Variants in PNLIPRP3 observed in about 807,000 individuals in gnomAD.
PNLIPRP3 encodes pancreatic lipase-related protein 3.
PNLIPRP3 carries 58 observed loss-of-function variants against 52.8 expected under a neutral mutation model. The ratio of observed to expected loss-of-function variants is 1.10; its 90% CI spans 0.89 to 1.37. The LOEUF is 1.37. Ranked by LOEUF, PNLIPRP3 falls within the 40% of genes most tolerant of loss-of-function variation. PNLIPRP3 has a pLI of 0.00. For synonymous variants in PNLIPRP3, 192 were observed against 185.0 expected (o/e 1.04, Z -0.31); for missense variants, 593 against 561.6 (o/e 1.06, Z -0.57).
intron 10 of PNLIPRP3, among the ~76,000 whole-genome samples, chr10:116,475,551 C>T (rs540179549): frequency 1.3e-5 from 2 of 152,170 alleles, no homozygotes; most frequent in Admixed American, 6.5e-5. Flanking sequence ...CCCTTAAGAA[C>T]TTGGAAGAAC....
rs1397695719 is a variant in PNLIPRP3 at position 116,470,496 on chromosome 10, A to AAT, written c.1060+1195_1060+1196dup. Among the ~76,000 whole-genome samples the AAT allele has an allele frequency of 1.2e-3, 161 of 139,710 alleles. 1 individual carries two copies. The highest frequency in any genetic ancestry group is 3.2e-3 in the African/African-American group (122 of 37,746). 91.7% of individuals were successfully genotyped at this position (139,710 alleles called of 152,430 possible). A position where few individuals can be genotyped will look rare whatever the true frequency, so the allele number is the denominator to read the frequency against. On this transcript the variant is annotated intron_variant, in intron 9 of 11. Coordinates refer to ENST00000369230, the MANE Select transcript of PNLIPRP3 (RefSeq NM_001011709.3). ...AAGAGAGGAGACATACACCACAGCA[A>AAT]ATATATATATATATATAATTTTTTT...
intron 1 of PNLIPRP3, among the ~76,000 whole-genome samples, chr10:116,431,276 G>A (rs990955498): frequency 1.3e-5 from 2 of 152,098 alleles, no homozygotes; most frequent in African/African-American, 4.8e-5. Context: ...GTCAGTCCAT[G>A]TCACTTTTCT....
intron 2 of PNLIPRP3, among the ~76,000 whole-genome samples, chr10:116,438,908 A>G (rs549023122): frequency 2.0e-5 from 3 of 152,324 alleles, no homozygotes; most frequent in Non-Finnish European, 4.4e-5. Context: ...ACTTAGCTTT[A>G]AAAAGAAGTG....
At chr10:116,476,390 A>G (rs1846465907) in intron 10 of PNLIPRP3, among the ~76,000 whole-genome samples, 1 of 152,194 alleles carries the variant, frequency 6.6e-6, no homozygotes, top group Non-Finnish European at 1.5e-5. Flanking sequence ...ATCTTTCACT[A>G]TGGAGAAATC....
In PNLIPRP3 at chr10:116,476,830, C is replaced by A; in HGVS notation, c.1340+11C>A. ...GAAATATGGATATAAGTAAGTATTGCTTTTTCCTTTTCATTTTCGTAGTTT... is the reference window on the plus strand; with the variant it reads ...GAAATATGGATATAAGTAAGTATTGATTTTTCCTTTTCATTTTCGTAGTTT... On this transcript the variant is annotated intron_variant, in intron 11 of 11. Transcript: ENST00000369230. 1 of 1,559,460 alleles carries A rather than the reference C, an allele frequency of 6.4e-7. No individual in the cohort carries two copies. Among genetic ancestry groups the A allele is most frequent in the Non-Finnish European group, 8.7e-7 (1 of 1,153,950 alleles).
intron 2 of PNLIPRP3, among the ~76,000 whole-genome samples, chr10:116,441,424 G>T (rs560824235): frequency 6.6e-6 from 1 of 152,230 alleles, no homozygotes; most frequent in South Asian, 2.1e-4. Flanking sequence ...CCCTCCAAAA[G>T]GTTTTTCAGA....
chr10:116,460,532 G>A (rs1479542909), intron 5 of PNLIPRP3, among the ~76,000 whole-genome samples: 2 of 152,278 alleles, frequency 1.3e-5, no homozygotes, highest in East Asian at 3.9e-4. Flanking sequence ...AACTAAGTGA[G>A]CCATAGCTCA....
intron 7 of PNLIPRP3, among the ~76,000 whole-genome samples, chr10:116,464,358 TG>T (rs1392933433): frequency 1.3e-5 from 2 of 152,202 alleles, no homozygotes; most frequent in Non-Finnish European, 2.9e-5. Flanking sequence ...TTTTCCATGC[TG>T]CTTCACCAGC....
chr10:116,466,254 G>A, intron 8 of PNLIPRP3, 86 bp downstream of exon 8: 3 of 990,064 alleles, frequency 3.0e-6, no homozygotes, highest in Admixed American at 5.3e-5. Flanking sequence ...GCTTTGTGTA[G>A]GTAGCAAAAA....
chr10:116,446,774 C>T (rs188955128), intron 4 of PNLIPRP3, among the ~76,000 whole-genome samples: 4 of 152,272 alleles, frequency 2.6e-5, no homozygotes, highest in African/African-American at 4.8e-5. Context: ...CCAGCTACAA[C>T]GAAGGCCAGA....
intron 7 of PNLIPRP3, among the ~76,000 whole-genome samples, chr10:116,462,376 T>C (rs1846205332): frequency 6.6e-6 from 1 of 151,136 alleles, no homozygotes; most frequent in Non-Finnish European, 1.5e-5. Context: ...TCTGAATATC[T>C]CATAGCCCAA....
intron 2 of PNLIPRP3, among the ~76,000 whole-genome samples, chr10:116,438,094 G>A (rs1355642257): frequency 6.6e-6 from 1 of 152,166 alleles, no homozygotes; most frequent in African/African-American, 2.4e-5. Context: ...AAAAATTGAG[G>A]ATAAAAGAGA....
At chr10:116,445,236 T>C (rs1845927640) in intron 4 of PNLIPRP3, among the ~76,000 whole-genome samples, 1 of 152,174 alleles carries the variant, frequency 6.6e-6, no homozygotes, top group African/African-American at 2.4e-5. Flanking sequence ...TACACTCTAG[T>C]AGGCAATGGA....
At chr10:116,463,805 C>T (rs1010323824) in intron 7 of PNLIPRP3, among the ~76,000 whole-genome samples, 8 of 152,050 alleles carry the variant, frequency 5.3e-5, no homozygotes, top group East Asian at 1.9e-4. Context: ...GAATAGTCCA[C>T]GCCATTCAGT....
chr10:116,469,418 C>T, intron 9 of PNLIPRP3, 101 bp downstream of exon 9: 1 of 1,211,782 alleles, frequency 8.3e-7, no homozygotes. Context: ...GGGCATTAGG[C>T]CAGACTGGGA....
chr10:116,436,904 A>T (rs756535728), intron 2 of PNLIPRP3, 39 bp downstream of exon 2: 1 of 1,523,196 alleles, frequency 6.6e-7, no homozygotes, highest in South Asian at 1.3e-5. Flanking sequence ...GATTATTCTA[A>T]AATATAAGAT....
chr10:116,450,001 T>C (rs575033749), intron 4 of PNLIPRP3, among the ~76,000 whole-genome samples: 2 of 151,986 alleles, frequency 1.3e-5, no homozygotes, highest in Non-Finnish European at 2.9e-5. Context: ...AAACAACCAA[T>C]GGGTCAAAGA....
At chr10:116,462,405 T>C (rs1306802849) in intron 7 of PNLIPRP3, among the ~76,000 whole-genome samples, 1 of 151,552 alleles carries the variant, frequency 6.6e-6, no homozygotes, top group Non-Finnish European at 1.5e-5. Context: ...AGTCAAGATA[T>C]CAAGGAGTTG....
At chr10:116,461,879 T>C (rs1846197828) in intron 7 of PNLIPRP3, among the ~76,000 whole-genome samples, 1 of 151,856 alleles carries the variant, frequency 6.6e-6, no homozygotes, top group Non-Finnish European at 1.5e-5. Context: ...GGGAAGCAAG[T>C]GTAAGGGCTG....
Sources: gnomAD v4.1 joint callset for allele counts (sites outside exome capture counted in the v4.1 genomes callset) on GRCh38, gnomAD v4.1.1 for gene constraint, MANE v1.5 for transcripts, NCBI Gene and HGNC (gene_info 2026-07-23, HGNC 2026-07-21) for gene names.